Variants in ATM observed in about 807,000 individuals in gnomAD.
ATM encodes serine-protein kinase ATM.
Under a neutral mutation model 387.0 loss-of-function variants are expected in ATM, and 308 were observed. The observed-to-expected ratio is 0.80, with a 90% CI of 0.73 to 0.87. The LOEUF (loss-of-function observed/expected upper bound fraction) is 0.87, where lower values mean the gene tolerates loss of function less well. Ranked by LOEUF, ATM falls within the 40% of genes least tolerant of loss-of-function variation. The pLI is 0.00. For missense variants in ATM, 3,312 were observed against 3,560.9 expected, an observed-to-expected ratio of 0.93 and a Z score of 1.78; for synonymous variants, 1,156 against 1,187.3, an observed-to-expected ratio of 0.97 and a Z score of 0.54.
chr11:108,331,124 G>A (rs2086192066), intron 50 of ATM: 2 of 1,045,038 alleles, frequency 1.9e-6, no homozygotes. Context: ...TGACTTCTCA[G>A]GAATCAAGAT....
chr11:108,247,171 T>A (rs913871204), intron 8 of ATM, 44 bp downstream of exon 8: 1 of 1,450,064 alleles, frequency 6.9e-7, no homozygotes, highest in Non-Finnish European at 9.5e-7. Flanking sequence ...TTCCTGTTAA[T>A]TTTTTTTTTA....
chr11:108,329,916 G>A (rs1022890468), intron 49 of ATM, among the ~76,000 whole-genome samples: 2 of 152,196 alleles, frequency 1.3e-5, no homozygotes, highest in Non-Finnish European at 2.9e-5. Flanking sequence ...CTATTTTGAT[G>A]TAATTAAATC....
chr11:108,300,128 A>C (rs757766050), intron 34 of ATM, among the ~76,000 whole-genome samples: 13 of 152,206 alleles, frequency 8.5e-5, no homozygotes, highest in Non-Finnish European at 1.3e-4. Context: ...GGACTAGACA[A>C]ATAAACGATA....
intron 4 of ATM, among the ~76,000 whole-genome samples, chr11:108,234,899 G>C (rs944093064): frequency 4.0e-5 from 6 of 151,766 alleles, no homozygotes; most frequent in African/African-American, 1.5e-4. Flanking sequence ...ATAGGACTTA[G>C]AACTAATTTT....
intron 23 of ATM, among the ~76,000 whole-genome samples, chr11:108,280,512 A>C (rs549854859): frequency 6.6e-6 from 1 of 151,680 alleles, no homozygotes; most frequent in Non-Finnish European, 1.5e-5. Flanking sequence ...TTATGGGTAC[A>C]TAGTAGGGGT....
At position 108,282,897 on chromosome 11, in the gene ATM, A is replaced by G. The variant is rs2082310429; in HGVS notation, c.3746+18A>G. On this transcript the variant is annotated intron_variant, in intron 25 of 62. Transcript: ENST00000675843. ...TTCTATAGGTAAGTTTATACATGAC[A>G]TATGTGAAATTTGTTTAATTTAAAA... The G allele has an allele frequency of 2.8e-6, 4 of 1,434,296 alleles. No individual in the cohort carries two copies. Among genetic ancestry groups the G allele is most frequent in the African/African-American group, 2.8e-5 (2 of 70,362 alleles). The allele number at this position is 1,434,296 out of a possible 1,614,324, so 88.8% of individuals were successfully genotyped here. A position where few individuals can be genotyped will look rare whatever the true frequency, so the allele number is the denominator to read the frequency against.
rs750569023 is a variant in ATM, at chr11:108,329,071, A to G, written c.7140A>G (p.Arg2380=). The part of the protein sequence containing the change: ...NYDGESSDEL[R]NGKMKAFLSL... ...ATGGAGAAAGTAGTGATGAGCTAAG[A>G]AATGGAAAAATGAAGGCATTTCTCT... The change falls in exon 49 of 63, where the codon AGA becomes AGG. Residue 2380 remains arginine (R), a synonymous_variant. Transcript: ENST00000675843. 6.6e-5 allele frequency: 107 copies of G among 1,614,162 alleles called. 1 individual carries two copies. In the South Asian group the frequency reaches 1.1e-3, roughly 17 times the overall value.
rs2086723982 is a variant in ATM at position 108,335,362 on chromosome 11, A to C, written c.8151+253A>C. 3.3e-6 allele frequency: 4 copies of C among 1,202,846 alleles called. No individual in the cohort carries two copies. The South Asian group carries it at 5.7e-5, about 17-fold the overall frequency. 74.5% of individuals were successfully genotyped at this position (1,202,846 alleles called of 1,614,324 possible). On this transcript the variant is annotated intron_variant, in intron 55 of 62. Transcript: ENST00000675843. ...ACCATTAACATGTACAGACATGTAC[A>C]GTGAGGTTGCTTCTTATGAAAAAAA...
intron 47 of ATM, among the ~76,000 whole-genome samples, chr11:108,326,612 G>T (rs368729186): frequency 1.3e-5 from 2 of 152,268 alleles, no homozygotes; most frequent in East Asian, 3.9e-4. Flanking sequence ...GGACAATTAG[G>T]TTGTCAATCC....
intron 59 of ATM, among the ~76,000 whole-genome samples, chr11:108,351,623 T>A (rs931826566): frequency 2.6e-5 from 4 of 152,210 alleles, no homozygotes; most frequent in African/African-American, 9.6e-5. Context: ...CACTCCCATG[T>A]GGCCTCTCTG....
intron 22 of ATM, among the ~76,000 whole-genome samples, chr11:108,276,103 T>A (rs2081932765): frequency 6.6e-6 from 1 of 152,220 alleles, no homozygotes; most frequent in South Asian, 2.1e-4. Flanking sequence ...TTTATTTCAT[T>A]AAGTTGATCT....
chr11:108,270,971 G>C, intron 18 of ATM, 93 bp from the exon 19 acceptor site: 2 of 1,019,040 alleles, frequency 2.0e-6, no homozygotes, highest in South Asian at 2.7e-5. Context: ...TGGGATTACA[G>C]GTGTGAGCCA....
rs1555151925 is a variant in ATM at position 108,365,410 on chromosome 11, G to A, written c.9073G>A (p.Val3025Met). 6.2e-7 allele frequency: 1 copy of A among 1,614,210 alleles called. No homozygotes were observed. Among genetic ancestry groups the A allele is most frequent in the Non-Finnish European group, 8.5e-7 (1 of 1,180,038 alleles). ...EKLKGVEEGTVLSVGGQVNLL... is the reference protein window; with the variant it reads ...EKLKGVEEGTMLSVGGQVNLL... ...ACTGAAAGGAGTGGAAGAAGGCACTGTGCTCAGTGTTGGTGGACAAGTGAA... is the reference window on the plus strand; with the variant it reads ...ACTGAAAGGAGTGGAAGAAGGCACTATGCTCAGTGTTGGTGGACAAGTGAA... Residue 3025 changes from valine (V) to methionine (M), a missense_variant, in exon 63 of 63, where the codon GTG becomes ATG. This residue lies in a region of ATM where 95 missense variants were observed against 100.3 expected (regional missense o/e 0.95). Coordinates refer to ENST00000675843, the MANE Select transcript of ATM (RefSeq NM_000051.4).
chr11:108,345,954 C>T (rs2137042923), intron 58 of ATM, 46 bp downstream of exon 58: 1 of 1,607,262 alleles, frequency 6.2e-7, no homozygotes, highest in Non-Finnish European at 8.5e-7. Flanking sequence ...TGTTGTTTGG[C>T]AGGTTTTATT....
chr11:108,227,377 T>A (rs1172690939), intron 1 of ATM: 1 of 454,392 alleles, frequency 2.2e-6, no homozygotes, highest in African/African-American at 2.0e-5. Context: ...TGTTACAGCA[T>A]TACTTGTATA....
chr11:108,226,736 C>G (rs943007640), intron 1 of ATM: 1 of 151,626 alleles, frequency 6.6e-6, no homozygotes, highest in African/African-American at 2.4e-5. Flanking sequence ...GAGACGGAGT[C>G]TTGCTCTGTC....
At chr11:108,240,780 A>G (rs1183276666) in intron 5 of ATM, among the ~76,000 whole-genome samples, 2 of 152,202 alleles carry the variant, frequency 1.3e-5, no homozygotes, top group Non-Finnish European at 2.9e-5. Flanking sequence ...CTGGGATACT[A>G]TATACTACTG....
At chr11:108,354,466 G>A (rs2089635281) in intron 60 of ATM, among the ~76,000 whole-genome samples, 1 of 152,160 alleles carries the variant, frequency 6.6e-6, no homozygotes, top group African/African-American at 2.4e-5. Flanking sequence ...CCCAGCATAG[G>A]TCTGTGTACT....
At chr11:108,300,842 C>G (rs909593257) in intron 34 of ATM, among the ~76,000 whole-genome samples, 7 of 147,834 alleles carry the variant, frequency 4.7e-5, no homozygotes, top group African/African-American at 1.7e-4. Context: ...AGCCATCCGT[C>G]TATCCTTGTG....
Sources: gnomAD v4.1 joint callset for allele counts (sites outside exome capture counted in the v4.1 genomes callset) on GRCh38, gnomAD v4.1.1 for gene constraint, gnomAD v4.1.1 regional missense constraint, MANE v1.5 for transcripts, NCBI Gene and HGNC (gene_info 2026-07-23, HGNC 2026-07-21) for gene names.